PHF24: variants seen among roughly 807,000 people sequenced by gnomAD.
PHF24 encodes the protein Galpha inhibitory interacting protein.
In PHF24, 25 loss-of-function variants were observed where a neutral mutation model predicts 42.6. The observed-to-expected ratio is 0.59, with a 90% CI of 0.43 to 0.82. The LOEUF (loss-of-function observed/expected upper bound fraction) is 0.82. Among genes scored for constraint, PHF24 ranks in the 40% least tolerant of loss-of-function variants. The pLI is 0.00. For missense variants in PHF24, 470 were observed against 538.1 expected, an observed-to-expected ratio of 0.87 and a Z score of 1.25; for synonymous variants, 185 against 204.8, an observed-to-expected ratio of 0.90 and a Z score of 0.83.
chr9:34,761,156 G>A, the PHF24 span, among the ~76,000 whole-genome samples: 3 of 152,172 alleles, frequency 2.0e-5, no homozygotes. Flanking sequence ...GCCATTAAGA[G>A]TATTAAAATA....
At chr9:34,838,472 G>A in the PHF24 span, 6 of 1,332,902 alleles carry the variant, frequency 4.5e-6, no homozygotes, top group Non-Finnish European at 6.3e-6. Flanking sequence ...ACATCCCACA[G>A]AACAAAAGTA....
At chr9:34,784,509 C>T in the PHF24 span, among the ~76,000 whole-genome samples, 1 of 152,132 alleles carries the variant, frequency 6.6e-6, no homozygotes, top group South Asian at 2.1e-4. Context: ...ATGGTAGGTG[C>T]AGGGAGACAG....
chr9:34,892,944 C>T, the PHF24 span: 7 of 687,154 alleles, frequency 1.0e-5, no homozygotes, highest in Admixed American at 6.5e-5. Context: ...GAGCCCAGAT[C>T]CTGACTATGC....
At chr9:34,721,068 T>C in the PHF24 span, among the ~76,000 whole-genome samples, 1 of 152,230 alleles carries the variant, frequency 6.6e-6, no homozygotes, top group East Asian at 1.9e-4. Context: ...TTCTAATCCA[T>C]GAAGTCCTCC....
the PHF24 span, chr9:34,837,742 T>A: frequency 3.0e-5 from 39 of 1,315,602 alleles, no homozygotes; most frequent in Non-Finnish European, 4.1e-5. Flanking sequence ...GGGACACCAT[T>A]TTCTTTCTCA....
At chr9:34,858,613 C>T in the PHF24 span, among the ~76,000 whole-genome samples, 1 of 152,182 alleles carries the variant, frequency 6.6e-6, no homozygotes, top group Non-Finnish European at 1.5e-5. Context: ...CAGCCTGGTG[C>T]CTGAGCCCAA....
At chr9:34,676,638 T>C in the PHF24 span, among the ~76,000 whole-genome samples, 1 of 152,232 alleles carries the variant, frequency 6.6e-6, no homozygotes, top group Non-Finnish European at 1.5e-5. Context: ...TGCATTGTTA[T>C]AAAGAAATAC....
the PHF24 span, among the ~76,000 whole-genome samples, chr9:34,798,095 T>C: frequency 6.6e-6 from 1 of 152,190 alleles, no homozygotes; most frequent in Non-Finnish European, 1.5e-5. Flanking sequence ...TTTGAGGTGA[T>C]GGAACTGGTC....
At chr9:34,846,987 G>A in the PHF24 span, among the ~76,000 whole-genome samples, 6 of 152,178 alleles carry the variant, frequency 3.9e-5, no homozygotes, top group East Asian at 1.2e-3. Flanking sequence ...GTACCATGCT[G>A]TTTTGCCTAC....
At chr9:34,705,722 G>A in the PHF24 span, among the ~76,000 whole-genome samples, 2 of 152,088 alleles carry the variant, frequency 1.3e-5, no homozygotes, top group Non-Finnish European at 2.9e-5. Context: ...AAATTTAATG[G>A]TGTTGATCTT....
At chr9:34,681,246 A>G in the PHF24 span, 6,770 of 152,212 alleles carry the variant, frequency 0.044, 235 homozygotes, top group South Asian at 0.069. Flanking sequence ...ATTTTGTTGT[A>G]TTACACTCCT....
the PHF24 span, among the ~76,000 whole-genome samples, chr9:34,875,597 C>T: frequency 2.0e-5 from 3 of 151,882 alleles, no homozygotes; most frequent in African/African-American, 7.3e-5. Flanking sequence ...TACTATGGGT[C>T]ACAGTCACTA....
the PHF24 span, among the ~76,000 whole-genome samples, chr9:34,829,203 C>T: frequency 1.3e-5 from 2 of 151,954 alleles, no homozygotes; most frequent in African/African-American, 4.8e-5. Context: ...TTGTTTTTGC[C>T]CTGAATTACT....
chr9:34,830,306 G>A, the PHF24 span, among the ~76,000 whole-genome samples: 819 of 152,304 alleles, frequency 5.4e-3, 4 homozygotes, highest in Middle Eastern at 0.01. Context: ...CTTTGTTCAT[G>A]TTTATCATTT....
the PHF24 span, among the ~76,000 whole-genome samples, chr9:34,882,293 A>G: frequency 2.0e-5 from 3 of 152,208 alleles, no homozygotes; most frequent in African/African-American, 7.2e-5. Flanking sequence ...TTCCCTTTGA[A>G]AACTGGCACA....
At chr9:34,725,589 T>C in the PHF24 span, 1 of 1,474,836 alleles carries the variant, frequency 6.8e-7, no homozygotes, top group Non-Finnish European at 9.2e-7. Flanking sequence ...TCATGCTGCA[T>C]GAGGCACTGG....
chr9:34,941,992 A>G, the PHF24 span, among the ~76,000 whole-genome samples: 1 of 152,210 alleles, frequency 6.6e-6, no homozygotes, highest in African/African-American at 2.4e-5. Context: ...TGCCACATCA[A>G]GGGCACACCA....
chr9:34,876,531 TAGAC>T, the PHF24 span, among the ~76,000 whole-genome samples: 603 of 152,136 alleles, frequency 4.0e-3, 3 homozygotes, highest in South Asian at 0.039. Flanking sequence ...TGTGTTCAAA[TAGAC>T]AGACAGTCTC....
the PHF24 span, among the ~76,000 whole-genome samples, chr9:34,814,699 G>A: frequency 6.6e-6 from 1 of 152,242 alleles, no homozygotes; most frequent in South Asian, 2.1e-4. Flanking sequence ...TGAAACAGTA[G>A]TAGGATAGTT....
Sources: gnomAD v4.1 joint callset for allele counts (sites outside exome capture counted in the v4.1 genomes callset) on GRCh38, gnomAD v4.1.1 for gene constraint, MANE v1.5 for transcripts, NCBI Gene and HGNC (gene_info 2026-07-23, HGNC 2026-07-21) for gene names.